Variants in ADAP1 observed in about 807,000 individuals in gnomAD.
ADAP1 encodes the protein ArfGAP with dual PH domains 1, also known as arf-GAP with dual PH domain-containing protein 1.
ADAP1 carries 31 observed loss-of-function variants against 54.9 expected under a neutral mutation model. The observed-to-expected ratio is 0.56, with a 90% CI of 0.42 to 0.76. ADAP1 has a LOEUF of 0.76. ADAP1 is among the 30% of genes least tolerant of loss of function. The probability of loss-of-function intolerance (pLI) is 0.00; values close to 1 mark genes in which losing one functional copy is unlikely to be tolerated. For synonymous variants in ADAP1, 313 were observed against 202.6 expected, an observed-to-expected ratio of 1.55 and a Z score of -4.63; for missense variants, 535 against 512.4, an observed-to-expected ratio of 1.04 and a Z score of -0.42.
chr7:952,635 G>A (rs896164766), intron 1 of ADAP1, among the ~76,000 whole-genome samples: 4 of 152,124 alleles, frequency 2.6e-5, no homozygotes, highest in Admixed American at 2.6e-4. Context: ...GAGCGGCCGG[G>A]TGTGGCTCAT....
intron 1 of ADAP1, among the ~76,000 whole-genome samples, chr7:952,628 C>T (rs931015611): frequency 6.6e-6 from 1 of 152,092 alleles, no homozygotes; most frequent in African/African-American, 2.4e-5. Flanking sequence ...ACAAGCAGAG[C>T]GGCCGGGTGT....
At chr7:905,303 G>GA (rs1845076092) in intron 4 of ADAP1, 131 bp from the exon 5 acceptor site, 3 of 515,568 alleles carry the variant, frequency 5.8e-6, no homozygotes, top group South Asian at 1.9e-5. Context: ...ACGGACAGGG[G>GA]GAGACGGACG....
intron 4 of ADAP1, among the ~76,000 whole-genome samples, chr7:911,994 G>T (rs140220854): frequency 3.2e-4 from 49 of 152,328 alleles, no homozygotes; most frequent in Middle Eastern, 6.8e-3. Flanking sequence ...GCGAGGAACG[G>T]CTGGTGATGT....
At chr7:899,979 G>C in intron 8 of ADAP1, 123 bp downstream of exon 8, 1 of 1,203,270 alleles carries the variant, frequency 8.3e-7, no homozygotes, top group Non-Finnish European at 1.2e-6. Flanking sequence ...ACAAGGGGCT[G>C]TGAGGACCCA....
At chr7:918,076 G>A (rs1037600597) in intron 4 of ADAP1, among the ~76,000 whole-genome samples, 3 of 152,110 alleles carry the variant, frequency 2.0e-5, no homozygotes, top group East Asian at 1.9e-4. Context: ...ACAGGTGTGC[G>A]CCAACCGTGC....
At chr7:947,620 C>T (rs1004311806) in intron 1 of ADAP1, among the ~76,000 whole-genome samples, 1 of 152,054 alleles carries the variant, frequency 6.6e-6, no homozygotes, top group Non-Finnish European at 1.5e-5. Flanking sequence ...ATCCCGTTGA[C>T]CAGCAAATAT....
chr7:954,162 G>A (rs894234020), intron 1 of ADAP1, among the ~76,000 whole-genome samples: 22 of 151,898 alleles, frequency 1.4e-4, no homozygotes, highest in Non-Finnish European at 2.5e-4. Flanking sequence ...GGGTTTCCGG[G>A]GGTCCTGGGG....
chr7:914,449 G>A lies in ADAP1; in HGVS notation c.388+5519C>T, dbSNP rs1583151188. On this transcript the variant is annotated intron_variant, in intron 4 of 10. Coordinates refer to ENST00000265846, the MANE Select transcript of ADAP1 (RefSeq NM_006869.4). ...CTCTGGGAGGGGTTGGGAGGCCCGG[G>A]AACTGCCAACTGGCGCTGGAGCCCT... Among the ~76,000 whole-genome samples the A allele has an allele frequency of 3.3e-5, 5 of 152,346 alleles. No individual in the cohort carries two copies. In the South Asian group the frequency reaches 1.0e-3, roughly 32 times the overall value.
intron 4 of ADAP1, among the ~76,000 whole-genome samples, chr7:911,731 C>T (rs1235492914): frequency 6.8e-5 from 1 of 14,610 alleles, no homozygotes; most frequent in Non-Finnish European, 1.3e-4. Context: ...GGGGGTCCCA[C>T]GGAGGGCCAG....
intron 1 of ADAP1, among the ~76,000 whole-genome samples, chr7:944,675 C>T (rs1052725464): frequency 2.6e-5 from 4 of 152,206 alleles, no homozygotes; most frequent in Non-Finnish European, 2.9e-5. Flanking sequence ...ACGGCAAACA[C>T]GGCACCCATC....
chr7:944,906 G>C (rs377066994), intron 1 of ADAP1, among the ~76,000 whole-genome samples: 9 of 151,780 alleles, frequency 5.9e-5, no homozygotes, highest in Non-Finnish European at 1.2e-4. Flanking sequence ...AAGAGCCCGG[G>C]GGGGTGACTC....
intron 3 of ADAP1, among the ~76,000 whole-genome samples, chr7:923,628 G>A (rs908609298): frequency 1.3e-5 from 2 of 152,094 alleles, no homozygotes; most frequent in Non-Finnish European, 2.9e-5. Context: ...GCAAACTGAG[G>A]CCCTGGGCCT....
At chr7:900,973 G>A (rs1465802663) in intron 6 of ADAP1, 1 of 524,812 alleles carries the variant, frequency 1.9e-6, no homozygotes, top group East Asian at 5.4e-5. Context: ...GGGCCAACTT[G>A]CCTTCCTTTC....
At chr7:949,186 GCCTTGC>G (rs1847210654) in intron 1 of ADAP1, among the ~76,000 whole-genome samples, 1 of 152,206 alleles carries the variant, frequency 6.6e-6, no homozygotes, top group East Asian at 1.9e-4. Flanking sequence ...GGGGGAAGGC[GCCTTGC>G]CCGCCGGAGT....
At chr7:944,146 G>A (rs1196584547) in intron 1 of ADAP1, among the ~76,000 whole-genome samples, 1 of 151,318 alleles carries the variant, frequency 6.6e-6, no homozygotes, top group Non-Finnish European at 1.5e-5. Context: ...CTAACTTCTG[G>A]GCTCAAGCAG....
intron 4 of ADAP1, among the ~76,000 whole-genome samples, chr7:906,756 G>GGGA (rs1845453903): frequency 5.1e-5 from 2 of 38,898 alleles, no homozygotes; most frequent in African/African-American, 7.0e-5. Flanking sequence ...TAGGGGACAT[G>GGGA]GACAGGGGAC....
Position 900,626 on chromosome 7 carries a change from A to AAGGCGGGCAAAGGCGGGCAC in ADAP1, c.649-11_649-10insGTGCCCGCCTTTGCCCGCCT. On this transcript the variant is annotated splice_polypyrimidine_tract_variant and intron_variant, in intron 6 of 10. Coordinates refer to ENST00000265846, the MANE Select transcript of ADAP1 (RefSeq NM_006869.4). ...ACCAGTCCACAATCTCCTAGGGGCA[A>AAGGCGGGCAAAGGCGGGCAC]AGGTGGGCACAGGCTTGGGCTGAGG... The AAGGCGGGCAAAGGCGGGCAC allele has an allele frequency of 1.3e-6, 2 of 1,597,332 alleles. No homozygotes were observed. The highest frequency in any genetic ancestry group is 1.7e-6 in the Non-Finnish European group (2 of 1,173,516).
At chr7:942,323 GA>G (rs1220388433) in intron 1 of ADAP1, among the ~76,000 whole-genome samples, 1 of 142,796 alleles carries the variant, frequency 7.0e-6, no homozygotes, top group Non-Finnish European at 1.6e-5. Context: ...AGAGGAGGAG[GA>G]AGGGAGAGAG....
In ADAP1 at chr7:906,920, C is replaced by T. The variant is rs1024481779; in HGVS notation, c.389-1748G>A. 3.9e-5 allele frequency among the ~76,000 whole-genome samples: 6 copies of T among 151,958 alleles called. No homozygotes were observed. The East Asian group carries it at 1.2e-3, about 29-fold the overall frequency. On this transcript the variant is annotated intron_variant, in intron 4 of 10. Transcript: ENST00000265846. Reference sequence around the variant, plus strand: ...CCAGCCTGAGGACGGCCTGGATGAGCGGGACTCCAGCTGTCCTTTACTGGC... The same window carrying T: ...CCAGCCTGAGGACGGCCTGGATGAGTGGGACTCCAGCTGTCCTTTACTGGC...
Sources: gnomAD v4.1 joint callset for allele counts (sites outside exome capture counted in the v4.1 genomes callset) on GRCh38, gnomAD v4.1.1 for gene constraint, MANE v1.5 for transcripts, NCBI Gene and HGNC (gene_info 2026-07-23, HGNC 2026-07-21) for gene names.